Variants in LRIT3 observed in about 807,000 individuals in gnomAD.
LRIT3 encodes leucine rich repeat, Ig-like and transmembrane domains 3.
Under a neutral mutation model 22.6 loss-of-function variants are expected in LRIT3, and 14 were observed. That is an observed-to-expected ratio of 0.62 (90% CI 0.41 to 0.97). The LOEUF (loss-of-function observed/expected upper bound fraction) is 0.97, where lower values mean the gene tolerates loss of function less well. Among genes scored for constraint, LRIT3 ranks in the 50% least tolerant of loss-of-function variants. The pLI, the probability that LRIT3 is intolerant of heterozygous loss-of-function variation, is 0.00. For synonymous variants in LRIT3, 306 were observed against 304.5 expected, an observed-to-expected ratio of 1.01 and a Z score of -0.05; for missense variants, 783 against 803.0, an observed-to-expected ratio of 0.98 and a Z score of 0.30.
In LRIT3 at chr4:109,867,946, G is replaced by T. The variant is rs113098639; in HGVS notation, c.895G>T (p.Val299Leu). The T allele has an allele frequency of 6.2e-7, 1 of 1,604,628 alleles. No individual in the cohort carries two copies. Among genetic ancestry groups the T allele is most frequent in the South Asian group, 1.1e-5 (1 of 90,620 alleles). ...RSDSSPVNYT[V>L]IQESPEEGVR... The stretch of plus-strand genomic sequence containing the variant: ...TGACAGCTCGCCAGTTAATTATACA[G>T]GTATTTTCTTAATTCAGCCCCATGA... The change falls in exon 3 of 4, where the codon GTA (valine) becomes TTA (leucine). Residue 299 changes from valine to leucine, a missense_variant and splice_region_variant. By Grantham distance (32) the Val-to-Leu change is conservative (BLOSUM62 1). Around this residue, in one of 2 missense-constraint regions of LRIT3, gnomAD observed 756 missense variants for 753.8 expected, o/e 1.00. Transcript: ENST00000594814.
At chr4:109,861,019 A>G (rs1403778736) in intron 2 of LRIT3, among the ~76,000 whole-genome samples, 1 of 152,216 alleles carries the variant, frequency 6.6e-6, no homozygotes, top group Admixed American at 6.5e-5. Flanking sequence ...TTTGTGGCAC[A>G]TGTTTTCATT....
chr4:109,858,399 G>A lies in LRIT3; in HGVS notation c.589+6423G>A, dbSNP rs188157960. 6.0e-3 allele frequency among the ~76,000 whole-genome samples: 916 copies of A among 152,146 alleles called. 11 individuals carry two copies. The highest frequency in any genetic ancestry group is 0.02 in the African/African-American group (837 of 41,506). ...TTTTCTTCTTTTTTGACAATTGGAT[G>A]TGTTAGTTGTTTCCTGCTGTGGCAT... is the stretch of plus-strand genomic sequence containing the variant. On this transcript the variant is annotated intron_variant, in intron 2 of 3. Transcript: ENST00000594814.
chr4:109,870,240 A>T lies in LRIT3; in HGVS notation c.1491A>T (p.Lys497Asn), dbSNP rs775030901. Residue 497 changes from lysine to asparagine, a missense_variant, in exon 4 of 4, where the codon AAA becomes AAT. Lys to Asn is a moderately conservative substitution (Grantham distance 94, BLOSUM62 0). Coordinates refer to ENST00000594814, the MANE Select transcript of LRIT3 (RefSeq NM_198506.5). The stretch of plus-strand genomic sequence containing the variant: ...ACCTCAGGGTGGTCAGTGAGACTAA[A>T]GAGAGTGTGACATTGACGTGGAATA... ...IENLRVVSETKESVTLTWNMI... is the reference protein window; with the variant it reads ...IENLRVVSETNESVTLTWNMI... The T allele has an allele frequency of 1.2e-5, 19 of 1,614,112 alleles. No individual in the cohort carries two copies. The African/African-American group carries it at 2.5e-4, about 22-fold the overall frequency.
rs2347133 is a variant in LRIT3 at position 109,870,387 on chromosome 4, C to T, written c.1638C>T (p.Pro546=). The part of the protein sequence containing the change: ...KNQVTIDGLE[P]GGQYMACVCP... ...AAGTAACCATAGATGGCTTGGAACCCGGTGGGCAATACATGGCCTGTGTCT... is the reference window on the plus strand; with the variant it reads ...AAGTAACCATAGATGGCTTGGAACCTGGTGGGCAATACATGGCCTGTGTCT... The change falls in exon 4 of 4, where the codon CCC becomes CCT. Residue 546 remains proline, a synonymous_variant. Transcript: ENST00000594814. 0.16 allele frequency: 256,853 copies of T among 1,613,906 alleles called. 24,369 individuals are homozygous for T. The highest frequency in any genetic ancestry group is 0.43 in the Admixed American group (25,526 of 60,004).
rs1734280508 is a variant in LRIT3, at chr4:109,851,855, C to T, written c.468C>T (p.Ala156=). Residue 156 remains alanine, a synonymous_variant, in exon 2 of 4, where the codon GCC becomes GCT. Coordinates refer to ENST00000594814, the MANE Select transcript of LRIT3 (RefSeq NM_198506.5). ...CGCTCAGGTATCTGAAGAACCTTGC[C>T]TACTTGGATTTATCAAGCAACAGAC... is the stretch of plus-strand genomic sequence containing the variant. ...NEALRYLKNL[A]YLDLSSNRLT... 6.4e-7 allele frequency: 1 copy of T among 1,551,568 alleles called. No homozygotes were observed. Among genetic ancestry groups the T allele is most frequent in the Non-Finnish European group, 8.7e-7 (1 of 1,147,014 alleles).
Position 109,851,667 on chromosome 4 carries a change from G to A in LRIT3, c.280G>A (p.Ala94Thr), listed in dbSNP as rs2125897146. Residue 94 changes from alanine to threonine, a missense_variant, in exon 2 of 4, where the codon GCC (alanine) becomes ACC (threonine). Around this residue, in one of 2 missense-constraint regions of LRIT3, gnomAD observed 756 missense variants for 753.8 expected, o/e 1.00. Transcript: ENST00000594814. ...TCTCTGGGTGACTTACAATTCCGTG[G>A]CCAGCATTGACCCCAGCAGCTTTTA... ...QYLWVTYNSVASIDPSSFYNL... is the reference protein window; with the variant it reads ...QYLWVTYNSVTSIDPSSFYNL... 9 of 1,551,686 alleles carry A rather than the reference G, an allele frequency of 5.8e-6. No individual in the cohort carries two copies. Among genetic ancestry groups the A allele is most frequent in the South Asian group, 1.2e-5 (1 of 84,060 alleles).
At chr4:109,866,517 A>C (rs1734684460) in intron 2 of LRIT3, among the ~76,000 whole-genome samples, 1 of 152,218 alleles carries the variant, frequency 6.6e-6, no homozygotes, top group Non-Finnish European at 1.5e-5. Context: ...TGAACTCAGC[A>C]AATTTCGATT....
At position 109,851,664 on chromosome 4, in the gene LRIT3, G is replaced by A. The variant is rs1479270315; in HGVS notation, c.277G>A (p.Val93Met). The A allele has an allele frequency of 2.5e-5, 39 of 1,551,638 alleles. No individual in the cohort carries two copies. The highest frequency in any genetic ancestry group is 3.3e-4 in the Middle Eastern group (2 of 5,988). Residue 93 changes from valine to methionine, a missense_variant, in exon 2 of 4, where the codon GTG becomes ATG. This residue lies in a region of LRIT3 where 756 missense variants were observed against 753.8 expected (regional missense o/e 1.00). Transcript: ENST00000594814. ...GTATCTCTGGGTGACTTACAATTCC[G>A]TGGCCAGCATTGACCCCAGCAGCTT... ...LQYLWVTYNS[V>M]ASIDPSSFYN...
At chr4:109,861,285 G>C (rs1048230033) in intron 2 of LRIT3, among the ~76,000 whole-genome samples, 16 of 151,854 alleles carry the variant, frequency 1.1e-4, no homozygotes, top group African/African-American at 3.9e-4. Context: ...AGAAACCTGG[G>C]AGGCAGATGT....
chr4:109,864,276 A>T (rs1734624640), intron 2 of LRIT3, among the ~76,000 whole-genome samples: 1 of 152,102 alleles, frequency 6.6e-6, no homozygotes, highest in Admixed American at 6.6e-5. Context: ...TTTTTATCTA[A>T]CTTAAAATAT....
rs1560589574 is a variant in LRIT3 at position 109,851,618 on chromosome 4, C to T, written c.231C>T (p.Phe77=). 1 of 1,551,726 alleles carries T rather than the reference C, an allele frequency of 6.4e-7. No homozygotes were observed. Among genetic ancestry groups the T allele is most frequent in the East Asian group, 2.4e-5 (1 of 40,912 alleles). Residue 77 remains phenylalanine, a synonymous_variant, in exon 2 of 4, where the codon TTC becomes TTT. Transcript: ENST00000594814. ...TCCGCAGAATCTCTGCGGAGGCCTT[C>T]TATTACCTGGTGGAGCTCCAGTATC... is the stretch of plus-strand genomic sequence containing the variant. ...TVIRRISAEA[F]YYLVELQYLW... is the part of the protein sequence containing the mutation.
rs76587489 is a variant in LRIT3, at chr4:109,870,258, G to C, written c.1509G>C (p.Thr503=). 1.4e-5 allele frequency: 23 copies of C among 1,614,036 alleles called. No individual in the cohort carries two copies. The highest frequency in any genetic ancestry group is 1.9e-5 in the Non-Finnish European group (23 of 1,180,034). Residue 503 remains threonine (T), a synonymous_variant, in exon 4 of 4, where the codon ACG becomes ACC. Coordinates refer to ENST00000594814, the MANE Select transcript of LRIT3 (RefSeq NM_198506.5). ...VSETKESVTL[T]WNMINTTHNS... is the part of the protein sequence containing the mutation. The stretch of plus-strand genomic sequence containing the variant: ...AGACTAAAGAGAGTGTGACATTGAC[G>C]TGGAATATGATCAACACCACACATA...
At chr4:109,858,281 G>A (rs540054304) in intron 2 of LRIT3, among the ~76,000 whole-genome samples, 2 of 152,270 alleles carry the variant, frequency 1.3e-5, no homozygotes, top group Middle Eastern at 6.8e-3. Context: ...GTCATCAGGA[G>A]GAGGCAGAGG....
intron 1 of LRIT3, 45 bp from the exon 2 acceptor site, chr4:109,851,459 T>C: frequency 4.1e-6 from 6 of 1,470,526 alleles, no homozygotes; most frequent in Non-Finnish European, 5.4e-6. Flanking sequence ...TTCAAATGGG[T>C]GTTGGAAAGT....
In LRIT3 at chr4:109,870,905, G is replaced by T. The variant is rs1734819731; in HGVS notation, c.*116G>T. The T allele has an allele frequency of 9.4e-7, 1 of 1,068,216 alleles. No individual in the cohort carries two copies. The highest frequency in any genetic ancestry group is 1.6e-5 in the African/African-American group (1 of 62,842). 66.2% of individuals were successfully genotyped at this position (1,068,216 alleles called of 1,614,324 possible). A position where few individuals can be genotyped will look rare whatever the true frequency, so the allele number is the denominator to read the frequency against. On this transcript the variant is annotated 3_prime_UTR_variant, in exon 4 of 4. Transcript: ENST00000594814. ...ACATTGTACATGAAAATCACAAATG[G>T]AATGCTTTTAAGTATGTTTAAAAAA...
intron 2 of LRIT3, among the ~76,000 whole-genome samples, chr4:109,862,994 ATTT>A (rs1734585740): frequency 6.6e-6 from 1 of 152,228 alleles, no homozygotes; most frequent in East Asian, 1.9e-4. Flanking sequence ...GTGCCTGGAC[ATTT>A]TTTTATTTGT....
chr4:109,864,772 A>G, intron 2 of LRIT3, among the ~76,000 whole-genome samples: 1 of 152,210 alleles, frequency 6.6e-6, no homozygotes, highest in Non-Finnish European at 1.5e-5. Flanking sequence ...CATTTTAATA[A>G]GTAAAATCAG....
intron 2 of LRIT3, among the ~76,000 whole-genome samples, chr4:109,856,999 G>A (rs1224237707): frequency 2.0e-5 from 3 of 152,088 alleles, no homozygotes; most frequent in African/African-American, 7.2e-5. Context: ...GATAGAAGAG[G>A]AAGATTTCCA....
In LRIT3 at chr4:109,869,693, T is replaced by G. The variant is rs1188077640; in HGVS notation, c.944T>G (p.Leu315Trp). Residue 315 changes from leucine (L) to tryptophan (W), a missense_variant, in exon 4 of 4, where the codon TTG (leucine) becomes TGG (tryptophan). Leu to Trp is a moderately conservative substitution (Grantham distance 61). This residue lies in a region of LRIT3 where 756 missense variants were observed against 753.8 expected (regional missense o/e 1.00). Transcript: ENST00000594814. The part of the protein sequence containing the change: ...EEGVRWSIMS[L>W]TGISSKDAGD... ...GGAGTCAGATGGTCCATAATGAGCT[T>G]GACAGGCATTTCTTCCAAAGACGCT... 1 of 1,595,388 alleles carries G rather than the reference T, an allele frequency of 6.3e-7. No individual in the cohort carries two copies.
Sources: allele counts gnomAD v4.1 joint callset (sites outside exome capture counted in the v4.1 genomes callset), GRCh38; gene constraint gnomAD v4.1.1; regional missense constraint gnomAD v4.1.1; transcripts MANE v1.5; gene names NCBI Gene and HGNC (gene_info 2026-07-23, HGNC 2026-07-21).